Variants in GABRA6 observed in about 807,000 individuals in gnomAD.
GABRA6 encodes gamma-aminobutyric acid type A receptor subunit alpha6, also known as gamma-aminobutyric acid receptor subunit alpha-6.
Under a neutral mutation model 47.3 loss-of-function variants are expected in GABRA6, and 45 were observed. That is an observed-to-expected ratio of 0.95 (90% confidence interval 0.75 to 1.22). GABRA6 has a LOEUF of 1.22. Among genes scored for constraint, GABRA6 ranks in the 50% most tolerant of loss-of-function variants. GABRA6 has a pLI of 0.00. For synonymous variants in GABRA6, 219 were observed against 194.7 expected (o/e 1.12, Z -1.04); for missense variants, 583 against 549.3 (o/e 1.06, Z -0.61).
chr5:161,701,917 G>T lies in GABRA6; in HGVS notation c.*144G>T. The stretch of plus-strand genomic sequence containing the variant: ...TCTGTAACGCAGCTTCCGTAAGCAT[G>T]TGTGGGCAAAAAAGCAATAATCCTA... On this transcript the variant is annotated 3_prime_UTR_variant, in exon 9 of 9. Transcript: ENST00000274545. 1 of 829,658 alleles carries T rather than the reference G, an allele frequency of 1.2e-6. No homozygotes were observed. Among genetic ancestry groups the T allele is most frequent in the South Asian group, 1.6e-5 (1 of 62,606 alleles). The allele number at this position is 829,658 out of a possible 1,614,324, so 51.4% of individuals were successfully genotyped here.
chr5:161,689,057 T>C lies in GABRA6; in HGVS notation c.334T>C (p.Trp112Arg), dbSNP rs1199782347. Reference protein sequence around the residue: ...SLNNLMVSKIWTPDTFFRNGK... With the variant: ...SLNNLMVSKIRTPDTFFRNGK... ...GAATAATTTGATGGTCAGTAAAATC[T>C]GGACGCCTGACACCTTTTTCAGAAA... Residue 112 changes from tryptophan (W) to arginine (R), a missense_variant, in exon 4 of 9, where the codon TGG (tryptophan) becomes CGG (arginine). Trp to Arg is a moderately radical substitution (Grantham distance 101). Coordinates refer to ENST00000274545, the MANE Select transcript of GABRA6 (RefSeq NM_000811.3). The C allele has an allele frequency of 2.5e-6, 4 of 1,613,988 alleles. No homozygotes were observed. Among genetic ancestry groups the C allele is most frequent in the Admixed American group, 3.3e-5 (2 of 59,996 alleles).
At position 161,689,705 on chromosome 5, in the gene GABRA6, A is replaced by G; in HGVS notation, c.599A>G (p.Glu200Gly). 1 of 1,611,976 alleles carries G rather than the reference A, an allele frequency of 6.2e-7. No homozygotes were observed. Among genetic ancestry groups the G allele is most frequent in the African/African-American group, 1.3e-5 (1 of 75,014 alleles). ...KGPLYSVEVP[E>G]ESSSLLQYDL... ...CCACTTTACTCAGTAGAAGTCCCAG[A>G]AGAATCTTCAAGCCTTCTCCAGTAT... is the stretch of plus-strand genomic sequence containing the variant. The change falls in exon 6 of 9, where the codon GAA becomes GGA. Residue 200 changes from glutamate (E) to glycine (G), a missense_variant. Coordinates refer to ENST00000274545, the MANE Select transcript of GABRA6 (RefSeq NM_000811.3).
At position 161,701,699 on chromosome 5, in the gene GABRA6, G is replaced by T. The variant is rs1174746725; in HGVS notation, c.1288G>T (p.Ala430Ser). ...YSRILFPVAF[A>S]GFNLVYWVVY... is the part of the protein sequence containing the mutation. Reference sequence around the variant, plus strand: ...TCGAATTCTCTTCCCAGTTGCATTTGCAGGATTCAACCTTGTGTACTGGGT... The same window carrying T: ...TCGAATTCTCTTCCCAGTTGCATTTTCAGGATTCAACCTTGTGTACTGGGT... Residue 430 changes from alanine to serine, a missense_variant, in exon 9 of 9, where the codon GCA becomes TCA. Coordinates refer to ENST00000274545, the MANE Select transcript of GABRA6 (RefSeq NM_000811.3). 1 of 1,614,044 alleles carries T rather than the reference G, an allele frequency of 6.2e-7. No individual in the cohort carries two copies. The highest frequency in any genetic ancestry group is 8.5e-7 in the Non-Finnish European group (1 of 1,180,014).
At chr5:161,699,643 T>C (rs540465457) in intron 8 of GABRA6, among the ~76,000 whole-genome samples, 2 of 151,428 alleles carry the variant, frequency 1.3e-5, no homozygotes, top group East Asian at 3.9e-4. Flanking sequence ...TTTGTATTTC[T>C]AATAGAGACG....
rs1222740660 is a variant in GABRA6, at chr5:161,689,117, C to G, written c.394C>G (p.Pro132Ala). Residue 132 changes from proline to alanine, a missense_variant, in exon 4 of 9, where the codon CCT becomes GCT. Physicochemically the swap from Pro to Ala is conservative, Grantham distance 27. Transcript: ENST00000274545. ...GTCCATTGCTCACAACATGACAACT[C>G]CTAATAAACTCTTCAGAATAATGCA... ...KKSIAHNMTT[P>A]NKLFRIMQNG... 1 of 1,614,034 alleles carries G rather than the reference C, an allele frequency of 6.2e-7. No individual in the cohort carries two copies. The highest frequency in any genetic ancestry group is 1.1e-5 in the South Asian group (1 of 91,076).
At chr5:161,691,811 AC>A in intron 7 of GABRA6, 129 bp from the exon 8 acceptor site, 3 of 771,846 alleles carry the variant, frequency 3.9e-6, no homozygotes, top group Non-Finnish European at 4.4e-6. Flanking sequence ...CAATTATAAT[AC>A]AAAAAATATT....
chr5:161,701,082 C>T (rs762640420), intron 8 of GABRA6, among the ~76,000 whole-genome samples: 1 of 152,096 alleles, frequency 6.6e-6, no homozygotes, highest in African/African-American at 2.4e-5. Context: ...TACTAATTGT[C>T]CACATATTCC....
rs2113071007 is a variant in GABRA6, at chr5:161,689,707, G to C, written c.601G>C (p.Glu201Gln). The change falls in exon 6 of 9, where the codon GAA becomes CAA. Residue 201 changes from glutamate to glutamine, a missense_variant. Coordinates refer to ENST00000274545, the MANE Select transcript of GABRA6 (RefSeq NM_000811.3). ...ACTTTACTCAGTAGAAGTCCCAGAAGAATCTTCAAGCCTTCTCCAGTATGA... is the reference window on the plus strand; with the variant it reads ...ACTTTACTCAGTAGAAGTCCCAGAACAATCTTCAAGCCTTCTCCAGTATGA... ...GPLYSVEVPE[E>Q]SSSLLQYDLI... The C allele has an allele frequency of 1.2e-6, 2 of 1,611,272 alleles. No homozygotes were observed. Among genetic ancestry groups the C allele is most frequent in the East Asian group, 4.5e-5 (2 of 44,800 alleles).
intron 3 of GABRA6, chr5:161,687,362 T>A: frequency 2.6e-6 from 1 of 378,310 alleles, no homozygotes; most frequent in South Asian, 2.1e-5. Context: ...TATAAAAGTT[T>A]ATTGAGTATG....
intron 1 of GABRA6, 31 bp from the exon 2 acceptor site, chr5:161,686,199 G>A (rs1754687471): frequency 1.3e-6 from 2 of 1,528,078 alleles, no homozygotes; most frequent in African/African-American, 1.4e-5. Flanking sequence ...TCTGAGCCTG[G>A]GAGTAAGGAT....
chr5:161,695,682 T>A (rs1423389479), intron 8 of GABRA6, among the ~76,000 whole-genome samples: 4 of 152,198 alleles, frequency 2.6e-5, no homozygotes, highest in Admixed American at 6.5e-5. Flanking sequence ...GTCATTACTC[T>A]CAATGTAGCT....
chr5:161,688,891 T>A, intron 3 of GABRA6, 58 bp from the exon 4 acceptor site: 1 of 1,466,380 alleles, frequency 6.8e-7, no homozygotes. Flanking sequence ...GGCTAGTGAA[T>A]AAACTATTCT....
chr5:161,691,903 A>G (rs1754799353), intron 7 of GABRA6, 38 bp from the exon 8 acceptor site: 5 of 1,592,698 alleles, frequency 3.1e-6, no homozygotes, highest in Non-Finnish European at 4.3e-6. Context: ...TAGGATTCCC[A>G]GTACTAATAT....
At chr5:161,691,288 C>CTTTTT (rs1160422481) in intron 7 of GABRA6, among the ~76,000 whole-genome samples, 383 of 84,706 alleles carry the variant, frequency 4.5e-3, no homozygotes, top group Middle Eastern at 0.013. Context: ...TTTTTCTTTC[C>CTTTTT]TTTTTTTTTT....
chr5:161,699,803 G>A (rs1157285396), intron 8 of GABRA6, among the ~76,000 whole-genome samples: 6 of 152,048 alleles, frequency 3.9e-5, no homozygotes. Flanking sequence ...CTCTTCAAGA[G>A]CAGCATACTA....
In GABRA6 at chr5:161,701,665, C is replaced by T. The variant is rs369062101; in HGVS notation, c.1254C>T (p.Asp418=). 3.7e-6 allele frequency: 6 copies of T among 1,614,040 alleles called. No homozygotes were observed. The South Asian group carries it at 4.4e-5, about 12-fold the overall frequency. ...CCTTTGGAGGCACCAGTAAAATAGA[C>T]CAGTATTCTCGAATTCTCTTCCCAG... is the stretch of plus-strand genomic sequence containing the variant. The part of the protein sequence containing the change: ...SPAFGGTSKI[D]QYSRILFPVA... Residue 418 remains aspartate, a synonymous_variant, in exon 9 of 9, where the codon GAC becomes GAT. Transcript: ENST00000274545.
At position 161,689,116 on chromosome 5, in the gene GABRA6, T is replaced by C. The variant is rs1754750265; in HGVS notation, c.393T>C (p.Thr131=). Reference sequence around the variant, plus strand: ...AGTCCATTGCTCACAACATGACAACTCCTAATAAACTCTTCAGAATAATGC... The same window carrying C: ...AGTCCATTGCTCACAACATGACAACCCCTAATAAACTCTTCAGAATAATGC... The part of the protein sequence containing the change: ...GKKSIAHNMT[T]PNKLFRIMQN... Residue 131 remains threonine, a synonymous_variant, in exon 4 of 9, where the codon ACT becomes ACC. Transcript: ENST00000274545. The C allele has an allele frequency of 6.2e-7, 1 of 1,614,092 alleles. No homozygotes were observed. The highest frequency in any genetic ancestry group is 8.5e-7 in the Non-Finnish European group (1 of 1,179,974).
rs765588266 is a variant in GABRA6, at chr5:161,688,976, C to T, written c.253C>T (p.Gln85Ter). The T allele has an allele frequency of 1.1e-5, 18 of 1,613,680 alleles. No homozygotes were observed. Among genetic ancestry groups the T allele is most frequent in the Non-Finnish European group, 1.5e-5 (18 of 1,179,864 alleles). ...MEYTMDVFFR[Q>*]TWTDERLKFG... ...GTATACGATGGATGTTTTTTTCCGC[C>T]AGACCTGGACTGATGAGAGGTTGAA... The change falls in exon 4 of 9, where the codon CAG becomes TAG. Residue 85 changes from glutamine to a stop codon, truncating the protein, a stop_gained. Transcript: ENST00000274545. LOFTEE classifies it high-confidence loss of function.
chr5:161,687,678 G>T (rs1754725639), intron 3 of GABRA6: 1 of 297,996 alleles, frequency 3.4e-6, no homozygotes, highest in Non-Finnish European at 6.8e-6. Flanking sequence ...GAATGCTGAA[G>T]TAAACATAAC....
Sources: allele counts gnomAD v4.1 joint callset (sites outside exome capture counted in the v4.1 genomes callset), GRCh38; gene constraint gnomAD v4.1.1; transcripts MANE v1.5; gene names NCBI Gene and HGNC (gene_info 2026-07-23, HGNC 2026-07-21).